The following RGS9 variants were observed in gnomAD, a reference collection of about 807,000 sequenced individuals.
RGS9 encodes regulator of G-protein signalling 9.
A neutral mutation model predicts 102.0 loss-of-function variants in RGS9; 78 were observed. That is an observed-to-expected ratio of 0.76 (90% CI 0.64 to 0.92). The LOEUF is 0.92. Ranked by LOEUF, RGS9 falls within the 40% of genes least tolerant of loss-of-function variation. RGS9 has a pLI of 0.00. For synonymous variants in RGS9, 353 were observed against 318.6 expected (o/e 1.11, Z -1.15); for missense variants, 833 against 866.1 (o/e 0.96, Z 0.48).
chr17:65,193,948 T>C (rs540633069), intron 12 of RGS9, among the ~76,000 whole-genome samples: 3 of 152,224 alleles, frequency 2.0e-5, no homozygotes, highest in South Asian at 2.1e-4. Flanking sequence ...TGGCAGACAA[T>C]GTTTCATTTC....
At chr17:65,169,085 T>C (rs1024454226) in intron 8 of RGS9, among the ~76,000 whole-genome samples, 1 of 152,216 alleles carries the variant, frequency 6.6e-6, no homozygotes, top group African/African-American at 2.4e-5. Context: ...TTTAGCTTCC[T>C]TGCCTGCCAG....
intron 2 of RGS9, 77 bp from the exon 3 acceptor site, chr17:65,158,218 A>G: frequency 7.4e-7 from 1 of 1,354,682 alleles, no homozygotes; most frequent in Non-Finnish European, 1.1e-6. Context: ...GAAGGAGACC[A>G]GTCAGGCAAC....
chr17:65,138,869 T>C (rs1263858282), intron 1 of RGS9, among the ~76,000 whole-genome samples: 1 of 152,082 alleles, frequency 6.6e-6, no homozygotes, highest in African/African-American at 2.4e-5. Flanking sequence ...TCTTCTCTGG[T>C]AGATTCTCCT....
chr17:65,149,136 TTTG>T (rs766717473), intron 1 of RGS9, among the ~76,000 whole-genome samples: 2 of 146,454 alleles, frequency 1.4e-5, no homozygotes, highest in Non-Finnish European at 3.0e-5. Flanking sequence ...TAGTTTTTTT[TTTG>T]TTGTTGTTAT....
At chr17:65,163,795 C>T (rs569209186) in intron 7 of RGS9, among the ~76,000 whole-genome samples, 8 of 152,252 alleles carry the variant, frequency 5.3e-5, no homozygotes, top group African/African-American at 1.9e-4. Flanking sequence ...CAGGAGTGTG[C>T]CCACTGCAAG....
chr17:65,141,037 C>A (rs1053860562), intron 1 of RGS9, among the ~76,000 whole-genome samples: 3 of 152,256 alleles, frequency 2.0e-5, no homozygotes, highest in Non-Finnish European at 4.4e-5. Flanking sequence ...GAGAGCCATA[C>A]TGGTCAGAAA....
chr17:65,161,443 G>C (rs895377909), intron 6 of RGS9, among the ~76,000 whole-genome samples: 2 of 151,950 alleles, frequency 1.3e-5, no homozygotes, highest in Non-Finnish European at 2.9e-5. Flanking sequence ...ATAGAGATGA[G>C]GTTTCACCAT....
In RGS9 at chr17:65,225,234, C is replaced by A. The variant is rs1002988091; in HGVS notation, c.1640C>A (p.Ala547Asp). The A allele has an allele frequency of 1.2e-6, 2 of 1,611,062 alleles. No homozygotes were observed. Among genetic ancestry groups the A allele is most frequent in the Non-Finnish European group, 1.7e-6 (2 of 1,179,974 alleles). Residue 547 changes from alanine to aspartate, a missense_variant, in exon 18 of 19, where the codon GCC becomes GAC. Physicochemically the swap from Ala to Asp is moderately radical, Grantham distance 126. Transcript: ENST00000262406. ...AAAGGGGAGTGCAGCGGGTCCATGG[C>A]CCCCCGTGGGCCCTCTGTCACCGAG... ...EQKGECSGSMAPRGPSVTESS... is the reference protein window; with the variant it reads ...EQKGECSGSMDPRGPSVTESS...
In RGS9 at chr17:65,225,419, G is replaced by A. The variant is rs752108846; in HGVS notation, c.1825G>A (p.Gly609Arg). The change falls in exon 18 of 19, where the codon GGG becomes AGG. Residue 609 changes from glycine (G) to arginine (R), a missense_variant. Physicochemically the swap from Gly to Arg is moderately radical, Grantham distance 125. Transcript: ENST00000262406. ...ACCCAAGTGCCCTGCTGTGTCCCAC[G>A]GGAGGGTGCAGCCCCTGGGGGACGT... ...LSPKCPAVSH[G>R]RVQPLGDVGQ... The A allele has an allele frequency of 1.7e-5, 27 of 1,610,270 alleles. No homozygotes were observed. The highest frequency in any genetic ancestry group is 4.4e-5 in the South Asian group (4 of 91,082).
At chr17:65,189,423 A>G in intron 10 of RGS9, 108 bp downstream of exon 10, 1 of 837,402 alleles carries the variant, frequency 1.2e-6, no homozygotes, top group Non-Finnish European at 2.1e-6. Context: ...ACCACGTGCA[A>G]TGTTCAAACA....
chr17:65,169,180 G>A (rs1001765092), intron 8 of RGS9, among the ~76,000 whole-genome samples: 6 of 152,182 alleles, frequency 3.9e-5, no homozygotes, highest in Non-Finnish European at 8.8e-5. Flanking sequence ...AAGCCCATCC[G>A]ATTTTGGCTG....
chr17:65,168,545 C>CTT (rs5821624), intron 8 of RGS9, among the ~76,000 whole-genome samples: 1,590 of 85,210 alleles, frequency 0.019, 66 homozygotes, highest in African/African-American at 0.055. Flanking sequence ...AGGGCTGGGA[C>CTT]TTTTTTTTTT....
At chr17:65,137,980 AGTGT>A (rs558925835) in intron 1 of RGS9, among the ~76,000 whole-genome samples, 25 of 152,044 alleles carry the variant, frequency 1.6e-4, no homozygotes, top group Middle Eastern at 6.8e-3. Context: ...ACTATTTTAA[AGTGT>A]GTGTGTGTGT....
rs776944678 is a variant in RGS9 at position 65,225,210 on chromosome 17, A to T, written c.1616A>T (p.Lys539Ile). 3 of 1,612,744 alleles carry T rather than the reference A, an allele frequency of 1.9e-6. No individual in the cohort carries two copies. The highest frequency in any genetic ancestry group is 2.5e-6 in the Non-Finnish European group (3 of 1,179,998). Residue 539 changes from lysine (K) to isoleucine (I), a missense_variant, in exon 18 of 19, where the codon AAA (lysine) becomes ATA (isoleucine). Physicochemically the swap from Lys to Ile is moderately radical, Grantham distance 102. Around this residue, in one of 3 missense-constraint regions of RGS9, gnomAD observed 320 missense variants for 276.8 expected, o/e 1.16. Transcript: ENST00000262406. ...ALESSSGLEQ[K>I]GECSGSMAPR... ...GAGAGCTCATCGGGCTTGGAGCAGA[A>T]AGGGGAGTGCAGCGGGTCCATGGCC...
chr17:65,146,327 C>T (rs761844710), intron 1 of RGS9, among the ~76,000 whole-genome samples: 4 of 151,908 alleles, frequency 2.6e-5, no homozygotes. Context: ...TGGTGGCTCA[C>T]GCCTGTAATC....
intron 17 of RGS9, among the ~76,000 whole-genome samples, chr17:65,223,752 C>CTTTTTTTTTT (rs528795738): frequency 2.2e-5 from 3 of 137,594 alleles, no homozygotes; most frequent in Non-Finnish European, 3.2e-5. Flanking sequence ...TCATGCCAGG[C>CTTTTTTTTTT]TTTTTTTTTT....
At chr17:65,183,293 T>G (rs1171683397) in intron 9 of RGS9, among the ~76,000 whole-genome samples, 2 of 152,112 alleles carry the variant, frequency 1.3e-5, no homozygotes, top group Non-Finnish European at 2.9e-5. Context: ...CAGCTAATTT[T>G]TATATTTTTA....
rs201365778 is a variant in RGS9 at position 65,160,606 on chromosome 17, A to G, written c.364+19A>G. 1.2e-4 allele frequency: 197 copies of G among 1,613,672 alleles called. No individual in the cohort carries two copies. The highest frequency in any genetic ancestry group is 1.6e-4 in the Non-Finnish European group (188 of 1,179,590). ...GATTACGGTAAATACTTCAGCCCCA[A>G]CTATGCCTTTGGTAGTGCTTAACAT... On this transcript the variant is annotated intron_variant, in intron 5 of 18. Coordinates refer to ENST00000262406, the MANE Select transcript of RGS9 (RefSeq NM_003835.4).
chr17:65,226,523 G>A (rs1228260781), intron 18 of RGS9, among the ~76,000 whole-genome samples: 1 of 152,022 alleles, frequency 6.6e-6, no homozygotes, highest in African/African-American at 2.4e-5. Flanking sequence ...CTTTGGGGCC[G>A]CTGCTATGCC....
Sources: allele counts gnomAD v4.1 joint callset (sites outside exome capture counted in the v4.1 genomes callset), GRCh38; gene constraint gnomAD v4.1.1; regional missense constraint gnomAD v4.1.1; transcripts MANE v1.5; gene names NCBI Gene and HGNC (gene_info 2026-07-23, HGNC 2026-07-21).